The following SBF2 variants were observed in gnomAD, a reference collection of about 807,000 sequenced individuals.
SBF2 encodes the protein SET binding factor 2, also known as myotubularin-related protein 13.
Under a neutral mutation model 225.2 loss-of-function variants are expected in SBF2, and 112 were observed. The ratio of observed to expected loss-of-function variants is 0.50; its 90% confidence interval spans 0.43 to 0.58. The LOEUF (loss-of-function observed/expected upper bound fraction) is 0.58, where lower values mean the gene tolerates loss of function less well. Among genes scored for constraint, SBF2 ranks in the 20% least tolerant of loss-of-function variants. SBF2 has a pLI of 0.00. For synonymous variants in SBF2, 763 were observed against 773.3 expected (o/e 0.99, Z 0.22); for missense variants, 1,996 against 2,206.2 (o/e 0.90, Z 1.91).
chr11:10,180,348 T>C (rs1282799443), intron 2 of SBF2, among the ~76,000 whole-genome samples: 2 of 152,134 alleles, frequency 1.3e-5, no homozygotes, highest in African/African-American at 4.8e-5. Context: ...AGATATACTA[T>C]GCTAGGATAA....
At chr11:10,163,861 T>C (rs980449263) in intron 2 of SBF2, among the ~76,000 whole-genome samples, 3 of 152,196 alleles carry the variant, frequency 2.0e-5, no homozygotes, top group African/African-American at 4.8e-5. Flanking sequence ...TGTTACCAAG[T>C]GGAGAAGCCA....
chr11:9,991,727 C>G (rs1056595696), intron 12 of SBF2, among the ~76,000 whole-genome samples: 1 of 152,236 alleles, frequency 6.6e-6, no homozygotes, highest in East Asian at 1.9e-4. Context: ...CACATCTGCC[C>G]TATTTCTCCC....
intron 26 of SBF2, among the ~76,000 whole-genome samples, chr11:9,835,623 C>T (rs543734021): frequency 0.014 from 144 of 10,224 alleles, 1 homozygote; most frequent in African/African-American, 0.044. Flanking sequence ...CAGAGCAAGA[C>T]CTTGTCTCAA....
At chr11:9,972,369 G>A (rs576569065) in intron 13 of SBF2, among the ~76,000 whole-genome samples, 2 of 152,158 alleles carry the variant, frequency 1.3e-5, no homozygotes, top group Admixed American at 1.3e-4. Context: ...ATATTCTATG[G>A]CATGGTACCA....
chr11:10,060,892 G>T (rs1452544670), intron 2 of SBF2, among the ~76,000 whole-genome samples: 3 of 152,094 alleles, frequency 2.0e-5, no homozygotes, highest in African/African-American at 7.2e-5. Context: ...GCCAGGCGTG[G>T]TAGTGGGCAC....
intron 2 of SBF2, among the ~76,000 whole-genome samples, chr11:10,100,374 G>A (rs565918513): frequency 1.3e-5 from 2 of 152,358 alleles, no homozygotes; most frequent in African/African-American, 4.8e-5. Flanking sequence ...CTGTGGTTCA[G>A]TAGCCCCCTC....
Position 10,083,879 on chromosome 11 carries a change from T to C in SBF2, c.142-40898A>G, listed in dbSNP as rs571704511. The stretch of plus-strand genomic sequence containing the variant: ...CAACAAAAGCAAAAATGGATGGCCA[T>C]GGTGGCTGACACCTGGAATCCCAGC... On this transcript the variant is annotated intron_variant, in intron 2 of 39. Transcript: ENST00000256190. Among the ~76,000 whole-genome samples the C allele has an allele frequency of 3.9e-5, 6 of 152,244 alleles. No homozygotes were observed. The South Asian group carries it at 1.2e-3, about 32-fold the overall frequency.
Position 9,911,274 on chromosome 11 carries a change from G to A in SBF2, c.1861-15263C>T, listed in dbSNP as rs528234804. Among the ~76,000 whole-genome samples, 571 of 151,556 alleles carry A rather than the reference G, an allele frequency of 3.8e-3. 3 individuals are homozygous for A. Among genetic ancestry groups the A allele is most frequent in the South Asian group, 5.0e-3 (24 of 4,784 alleles). The stretch of plus-strand genomic sequence containing the variant: ...TCCCAGCTACTCAGGAGGCTGAGGC[G>A]GAGAATTACTTGAACCTGGGAGGTG... On this transcript the variant is annotated intron_variant, in intron 16 of 39. Transcript: ENST00000256190.
chr11:10,226,325 TTTC>T (rs1229615317), intron 1 of SBF2, among the ~76,000 whole-genome samples: 1 of 152,166 alleles, frequency 6.6e-6, no homozygotes, highest in African/African-American at 2.4e-5. Flanking sequence ...CATGTATTTT[TTTC>T]TTAATTTTAT....
At chr11:10,198,159 A>G (rs1467104612) in intron 1 of SBF2, among the ~76,000 whole-genome samples, 1 of 152,226 alleles carries the variant, frequency 6.6e-6, no homozygotes, top group Non-Finnish European at 1.5e-5. Flanking sequence ...CCCAGATTCA[A>G]TCAGAGGAAT....
chr11:10,264,787 A>G (rs1309771154), intron 1 of SBF2, among the ~76,000 whole-genome samples: 1 of 122,580 alleles, frequency 8.2e-6, no homozygotes, highest in Non-Finnish European at 1.6e-5. Context: ...CCCTATGTCC[A>G]TGTGTTCTCA....
At chr11:10,162,712 C>G (rs1955805967) in intron 2 of SBF2, among the ~76,000 whole-genome samples, 1 of 152,094 alleles carries the variant, frequency 6.6e-6, no homozygotes, top group Non-Finnish European at 1.5e-5. Flanking sequence ...CAGACAGGCT[C>G]TATTTAAAAC....
intron 2 of SBF2, among the ~76,000 whole-genome samples, chr11:10,089,305 C>G (rs1951690617): frequency 6.6e-6 from 1 of 152,160 alleles, no homozygotes; most frequent in African/African-American, 2.4e-5. Context: ...AAACTACCAT[C>G]ATATATGCAG....
chr11:10,002,228 A>C (rs1257009734), intron 7 of SBF2, among the ~76,000 whole-genome samples: 1 of 152,180 alleles, frequency 6.6e-6, no homozygotes, highest in Non-Finnish European at 1.5e-5. Flanking sequence ...GCTTTTTATT[A>C]ATAGAATCTC....
chr11:10,186,349 G>C (rs941509286), intron 2 of SBF2, among the ~76,000 whole-genome samples: 1 of 152,100 alleles, frequency 6.6e-6, no homozygotes. Flanking sequence ...ACCAGCCTGG[G>C]AAAGACAGAC....
intron 16 of SBF2, among the ~76,000 whole-genome samples, chr11:9,916,134 G>A (rs999672169): frequency 7.9e-5 from 12 of 152,038 alleles, no homozygotes; most frequent in African/African-American, 2.9e-4. Context: ...TCATAATGTT[G>A]CCTTTATAAT....
intron 3 of SBF2, among the ~76,000 whole-genome samples, chr11:10,041,846 G>C (rs1235711666): frequency 2.7e-5 from 4 of 149,060 alleles, no homozygotes; most frequent in Non-Finnish European, 6.0e-5. Flanking sequence ...ATGCAAACTG[G>C]CTTACTCAAT....
chr11:10,182,673 C>T (rs1343778125), intron 2 of SBF2, among the ~76,000 whole-genome samples: 2 of 152,180 alleles, frequency 1.3e-5, no homozygotes, highest in African/African-American at 2.4e-5. Flanking sequence ...CCCACCTCAG[C>T]CTCCCAAGTA....
At chr11:10,145,284 T>C (rs1954834101) in intron 2 of SBF2, among the ~76,000 whole-genome samples, 1 of 152,190 alleles carries the variant, frequency 6.6e-6, no homozygotes, top group Non-Finnish European at 1.5e-5. Context: ...GCTTGATTTC[T>C]TCAAAGAATG....
Sources: allele counts gnomAD v4.1 joint callset (sites outside exome capture counted in the v4.1 genomes callset), GRCh38; gene constraint gnomAD v4.1.1; transcripts MANE v1.5; gene names NCBI Gene and HGNC (gene_info 2026-07-23, HGNC 2026-07-21).